ALOX15: variants seen among roughly 807,000 people sequenced by gnomAD.
ALOX15 encodes polyunsaturated fatty acid lipoxygenase ALOX15.
Under a neutral mutation model 71.7 loss-of-function variants are expected in ALOX15, and 68 were observed. That is an observed-to-expected ratio of 0.95 (90% CI 0.78 to 1.16). The LOEUF is 1.16. ALOX15 is among the 50% of genes most tolerant of loss of function. The pLI is 0.00. For missense variants in ALOX15, 798 were observed against 818.8 expected, an observed-to-expected ratio of 0.97 and a Z score of 0.31; for synonymous variants, 346 against 333.3, an observed-to-expected ratio of 1.04 and a Z score of -0.42.
In ALOX15 at chr17:4,639,142, C is replaced by T; in HGVS notation, c.338-10G>A. On this transcript the variant is annotated splice_polypyrimidine_tract_variant and intron_variant, in intron 2 of 13. Transcript: ENST00000293761. ...TCGCCCACAGTGCGGCCTAGAAGGA[C>T]AGAGGAGGACTTGGCCAGTGACTTT... The T allele has an allele frequency of 1.9e-6, 3 of 1,614,130 alleles. No homozygotes were observed. The highest frequency in any genetic ancestry group is 2.5e-6 in the Non-Finnish European group (3 of 1,180,036).
At position 4,631,616 on chromosome 17, in the gene ALOX15, T is replaced by C. The variant is rs1910899032; in HGVS notation, c.1973A>G (p.Asn658Ser). 1.9e-6 allele frequency: 3 copies of C among 1,613,260 alleles called. No homozygotes were observed. The highest frequency in any genetic ancestry group is 2.5e-6 in the Non-Finnish European group (3 of 1,179,998). The stretch of plus-strand genomic sequence containing the variant: ...TGGCGACGCTTAGATGGCCACACTG[T>C]TTTCCACCACGCTGGGCCGCAGGTA... ...YEYLRPSVVE[N>S]SVAI is the part of the protein sequence containing the mutation. The change falls in exon 14 of 14, where the codon AAC becomes AGC. Residue 658 changes from asparagine to serine, a missense_variant. By Grantham distance (46) the Asn-to-Ser change is conservative. This residue lies in a region of ALOX15 where 490 missense variants were observed against 509.4 expected (regional missense o/e 0.96). Coordinates refer to ENST00000293761, the MANE Select transcript of ALOX15 (RefSeq NM_001140.5).
At chr17:4,635,659 T>A in intron 8 of ALOX15, 100 bp downstream of exon 8, 1 of 1,164,496 alleles carries the variant, frequency 8.6e-7, no homozygotes, top group Non-Finnish European at 1.3e-6. Flanking sequence ...ATTGTTTCTC[T>A]CTGTACCCCG....
rs548580389 is a variant in ALOX15 at position 4,632,947 on chromosome 17, G to T, written c.1454C>A (p.Thr485Lys). 1.9e-6 allele frequency: 3 copies of T among 1,614,014 alleles called. No homozygotes were observed. The highest frequency in any genetic ancestry group is 2.2e-5 in the South Asian group (2 of 91,082). The change falls in exon 11 of 14, where the codon ACA (threonine) becomes AAA (lysine). Residue 485 changes from threonine (T) to lysine (K), a missense_variant. By Grantham distance (78) the Thr-to-Lys change is moderately conservative. Transcript: ENST00000293761. Reference protein sequence around the residue: ...VEGIVSLHYKTDVAVKDDPEL... With the variant: ...VEGIVSLHYKKDVAVKDDPEL... ...TGGGTCGTCTTTCACAGCCACGTCT[G>T]TCTTATAGTGGAGACTCACGATTCC... is the stretch of plus-strand genomic sequence containing the variant.
intron 2 of ALOX15, 79 bp downstream of exon 2, chr17:4,639,351 G>T (rs1405046590): frequency 1.3e-5 from 20 of 1,553,138 alleles, no homozygotes; most frequent in Non-Finnish European, 1.8e-5. Flanking sequence ...CCCATCCTGC[G>T]CCCTCTTCTC....
In ALOX15 at chr17:4,635,772, T is replaced by C. The variant is rs372810070; in HGVS notation, c.1148A>G (p.His383Arg). Residue 383 changes from histidine to arginine, a missense_variant, in exon 8 of 14, where the codon CAT (histidine) becomes CGT (arginine). By Grantham distance (29) the His-to-Arg change is conservative (BLOSUM62 0). Transcript: ENST00000293761. Reference sequence around the variant, plus strand: ...ATAAGGAGTTACCTTGAAGATAGGATGTATCGACGGCAGGCACCTCATGGT... The same window carrying C: ...ATAAGGAGTTACCTTGAAGATAGGACGTATCGACGGCAGGCACCTCATGGT... ...VATMRCLPSI[H>R]PIFKLIIPHL... 43 of 1,614,002 alleles carry C rather than the reference T, an allele frequency of 2.7e-5. No individual in the cohort carries two copies. Among genetic ancestry groups the C allele is most frequent in the South Asian group, 6.6e-5 (6 of 91,072 alleles).
intron 2 of ALOX15, 116 bp from the exon 3 acceptor site, chr17:4,639,248 C>T: frequency 7.0e-7 from 1 of 1,425,358 alleles, no homozygotes; most frequent in Non-Finnish European, 9.8e-7. Flanking sequence ...TTCAGCATCA[C>T]GCCCCTCCCC....
At chr17:4,639,026 G>A (rs369103627) in intron 3 of ALOX15, 25 bp downstream of exon 3, 37 of 1,614,080 alleles carry the variant, frequency 2.3e-5, no homozygotes, top group Admixed American at 3.3e-5. Context: ...AGCAGCTCAC[G>A]TGGGGTCAGG....
intron 13 of ALOX15, 25 bp from the exon 14 acceptor site, chr17:4,631,804 TGAGA>T (rs770063082): frequency 1.2e-6 from 2 of 1,613,264 alleles, no homozygotes; most frequent in East Asian, 2.2e-5. Context: ...AAAAGGTGGC[TGAGA>T]GCCTTATGAC....
intron 10 of ALOX15, 53 bp downstream of exon 10, chr17:4,633,093 C>T: frequency 1.9e-6 from 3 of 1,608,236 alleles, no homozygotes; most frequent in Non-Finnish European, 2.5e-6. Flanking sequence ...TGCTCTCCTA[C>T]ATGTCTTCTC....
At chr17:4,639,335 A>G in intron 2 of ALOX15, 95 bp downstream of exon 2, 5 of 1,491,024 alleles carry the variant, frequency 3.4e-6, no homozygotes, top group Non-Finnish European at 4.5e-6. Flanking sequence ...TCCAGGTTCC[A>G]GCACCCCCAT....
chr17:4,638,012 T>A (rs1244373885), intron 6 of ALOX15, among the ~76,000 whole-genome samples: 5 of 152,212 alleles, frequency 3.3e-5, no homozygotes, highest in Admixed American at 2.6e-4. Flanking sequence ...CATTCCATCT[T>A]GCACGCCCTC....
Position 4,631,360 on chromosome 17 carries a change from G to C in ALOX15, c.*240C>G. Reference sequence around the variant, plus strand: ...TGCCATATAGATCTGAATGAAGAAAGAGGAAGAGAGAGAGGAAGGAAGATA... The same window carrying C: ...TGCCATATAGATCTGAATGAAGAAACAGGAAGAGAGAGAGGAAGGAAGATA... On this transcript the variant is annotated 3_prime_UTR_variant, in exon 14 of 14. Coordinates refer to ENST00000293761, the MANE Select transcript of ALOX15 (RefSeq NM_001140.5). 1 of 549,234 alleles carries C rather than the reference G, an allele frequency of 1.8e-6. No homozygotes were observed. Among genetic ancestry groups the C allele is most frequent in the Non-Finnish European group, 3.2e-6 (1 of 311,252 alleles). The allele number at this position is 549,234 out of a possible 1,614,324, so 34.0% of individuals were successfully genotyped here.
chr17:4,633,509 A>G lies in ALOX15; in HGVS notation c.1162-9T>C, dbSNP rs999553911. On this transcript the variant is annotated splice_polypyrimidine_tract_variant and intron_variant, in intron 8 of 13. Transcript: ENST00000293761. ...AGGTGGGGAATTATAAGCTAGAGGG[A>G]GAAACACAGGGAAGGGCAGAGTCAG... is the stretch of plus-strand genomic sequence containing the variant. The G allele has an allele frequency of 1.2e-6, 2 of 1,611,496 alleles. No individual in the cohort carries two copies. Among genetic ancestry groups the G allele is most frequent in the African/African-American group, 2.7e-5 (2 of 74,812 alleles).
rs113120171 is a variant in ALOX15, at chr17:4,639,480, C to T, written c.287G>A (p.Cys96Tyr). The change falls in exon 2 of 14, where the codon TGT (cysteine) becomes TAT (tyrosine). Residue 96 changes from cysteine to tyrosine, a missense_variant. This residue lies in a region of ALOX15 where 300 missense variants were observed against 283.1 expected (regional missense o/e 1.06). Coordinates refer to ENST00000293761, the MANE Select transcript of ALOX15 (RefSeq NM_001140.5). ...PGAGDEVRFP[C>Y]YRWVEGNGVL... ...GCCGTTGCCCTCCACCCAGCGGTAA[C>T]AAGGGAACCTGACCTCGTCCCCGGC... is the stretch of plus-strand genomic sequence containing the variant. 8.7e-6 allele frequency: 14 copies of T among 1,613,890 alleles called. No individual in the cohort carries two copies. The African/African-American group carries it at 1.7e-4, about 20-fold the overall frequency.
chr17:4,638,005 T>C (rs1418947322), intron 6 of ALOX15, among the ~76,000 whole-genome samples: 1 of 152,150 alleles, frequency 6.6e-6, no homozygotes, highest in Non-Finnish European at 1.5e-5. Context: ...TATCAACCAT[T>C]CCATCTTGCA....
rs12051603 is a variant in ALOX15 at position 4,631,364 on chromosome 17, A to G, written c.*236T>C. On this transcript the variant is annotated 3_prime_UTR_variant, in exon 14 of 14. Transcript: ENST00000293761. ...ATATAGATCTGAATGAAGAAAGAGG[A>G]AGAGAGAGAGGAAGGAAGATAGGAA... is the stretch of plus-strand genomic sequence containing the variant. The G allele has an allele frequency of 1.2e-4, 69 of 553,628 alleles. 1 individual carries two copies. In the East Asian group the frequency reaches 1.5e-3, roughly 12 times the overall value. 34.3% of individuals were successfully genotyped at this position (553,628 alleles called of 1,614,324 possible). A position where few individuals can be genotyped will look rare whatever the true frequency, so the allele number is the denominator to read the frequency against.
intron 5 of ALOX15, 34 bp from the exon 6 acceptor site, chr17:4,638,411 T>C: frequency 1.2e-6 from 1 of 803,936 alleles, no homozygotes; most frequent in Non-Finnish European, 2.0e-6. Flanking sequence ...AGTTGTGGGA[T>C]CTGAGCTCTT....
intron 2 of ALOX15, 134 bp downstream of exon 2, chr17:4,639,296 C>A: frequency 1.5e-6 from 2 of 1,373,354 alleles, no homozygotes; most frequent in Non-Finnish European, 2.0e-6. Context: ...CAGCCACCGC[C>A]CCTTCGACAC....
chr17:4,632,331 C>T (rs371864202), intron 11 of ALOX15, 50 bp from the exon 12 acceptor site: 17 of 1,492,710 alleles, frequency 1.1e-5, no homozygotes, highest in Non-Finnish European at 1.5e-5. Flanking sequence ...AGTAGGGCAG[C>T]GCTCAGAGGA....
Sources: allele counts gnomAD v4.1 joint callset (sites outside exome capture counted in the v4.1 genomes callset), GRCh38; gene constraint gnomAD v4.1.1; regional missense constraint gnomAD v4.1.1; transcripts MANE v1.5; gene names NCBI Gene and HGNC (gene_info 2026-07-23, HGNC 2026-07-21).